The following SPAM1 variants were observed in gnomAD, a reference collection of about 807,000 sequenced individuals.
The protein encoded by SPAM1 is hyaluronidase PH-20.
A neutral mutation model predicts 29.6 loss-of-function variants in SPAM1; 22 were observed. The ratio of observed to expected loss-of-function variants is 0.74; its 90% CI spans 0.53 to 1.06. SPAM1 has a LOEUF of 1.06. Ranked by LOEUF, SPAM1 falls within the 50% of genes least tolerant of loss-of-function variation. SPAM1 has a pLI of 0.00. For missense variants in SPAM1, 534 were observed against 604.0 expected (o/e 0.88, Z 1.21); for synonymous variants, 194 against 204.6 (o/e 0.95, Z 0.44).
chr7:123,968,370 C>T (rs973623349), intron 5 of SPAM1, among the ~76,000 whole-genome samples: 4 of 152,048 alleles, frequency 2.6e-5, no homozygotes, highest in Admixed American at 6.6e-5. Flanking sequence ...TGTCATGACG[C>T]TGGCAGGCGT....
In SPAM1 at chr7:123,954,432, G is replaced by C; in HGVS notation, c.862G>C (p.Val288Leu). 6.2e-7 allele frequency: 1 copy of C among 1,613,380 alleles called. No homozygotes were observed. The highest frequency in any genetic ancestry group is 8.5e-7 in the Non-Finnish European group (1 of 1,179,624). Residue 288 changes from valine (V) to leucine (L), a missense_variant, in exon 3 of 5, where the codon GTT becomes CTT. Val to Leu is a conservative substitution (Grantham distance 32). Transcript: ENST00000682466. ...CAATCGAGTTCGGGAAGCCATCAGA[G>C]TTTCCAAAATACCTGATGCAAAAAG... is the stretch of plus-strand genomic sequence containing the variant. ...VRNRVREAIR[V>L]SKIPDAKSPL...
chr7:123,956,974 A>G (rs1245519963), intron 4 of SPAM1, among the ~76,000 whole-genome samples: 3 of 152,018 alleles, frequency 2.0e-5, no homozygotes, highest in African/African-American at 7.2e-5. Flanking sequence ...ACTACAAAGT[A>G]TGCAGGTTAA....
At chr7:123,963,610 C>T (rs1792387552), downstream of SPAM1, among the ~76,000 whole-genome samples, 1 of 151,894 alleles carries the variant, frequency 6.6e-6, no homozygotes, top group Non-Finnish European at 1.5e-5. Flanking sequence ...TGCTGACTCT[C>T]ATTGCTTTTA....
In SPAM1 at chr7:123,960,035, CTT is replaced by C; in HGVS notation, c.*68_*69del. 3 of 1,511,540 alleles carry C rather than the reference CTT, an allele frequency of 2.0e-6. No individual in the cohort carries two copies. Among genetic ancestry groups the C allele is most frequent in the South Asian group, 2.7e-5 (2 of 74,348 alleles). The allele number at this position is 1,511,540 out of a possible 1,614,324, so 93.6% of individuals were successfully genotyped here. A position where few individuals can be genotyped will look rare whatever the true frequency, so the allele number is the denominator to read the frequency against. ...AGTGTGCTTTTTCGACTAATTAAAT[CTT>C]TGAAAAGAACAGCTCTTGTTGAAAG... is the stretch of plus-strand genomic sequence containing the variant. On this transcript the variant is annotated 3_prime_UTR_variant, in exon 5 of 5. Coordinates refer to ENST00000682466, the MANE Select transcript of SPAM1 (RefSeq NM_153189.3).
At chr7:123,957,843 A>G (rs1792280088) in intron 4 of SPAM1, among the ~76,000 whole-genome samples, 1 of 151,924 alleles carries the variant, frequency 6.6e-6, no homozygotes, top group Non-Finnish European at 1.5e-5. Flanking sequence ...TCCTTAGCTC[A>G]TGGCCCTCTT....
chr7:123,954,067 A>G lies in SPAM1; in HGVS notation c.497A>G (p.Asn166Ser), dbSNP rs914977247. The G allele has an allele frequency of 2.5e-6, 4 of 1,613,548 alleles. No individual in the cohort carries two copies. Among genetic ancestry groups the G allele is most frequent in the Non-Finnish European group, 2.5e-6 (3 of 1,179,754 alleles). Reference sequence around the variant, plus strand: ...TGGAAACCTAAAGATGTTTACAAGAATAGGTCTATTGAATTGGTTCAGCAA... The same window carrying G: ...TGGAAACCTAAAGATGTTTACAAGAGTAGGTCTATTGAATTGGTTCAGCAA... ...RNWKPKDVYK[N>S]RSIELVQQQN... Residue 166 changes from asparagine to serine, a missense_variant, in exon 3 of 5, where the codon AAT (asparagine) becomes AGT (serine). By Grantham distance (46) the Asn-to-Ser change is conservative. Coordinates refer to ENST00000682466, the MANE Select transcript of SPAM1 (RefSeq NM_153189.3).
At chr7:123,933,410 T>C (rs1194183690) in intron 1 of SPAM1, among the ~76,000 whole-genome samples, 1 of 152,114 alleles carries the variant, frequency 6.6e-6, no homozygotes, top group African/African-American at 2.4e-5. Flanking sequence ...TAGACAAAAA[T>C]GAAAACCCAA....
At chr7:123,970,608 A>AATAATAATTATTATT (rs376690940) in intron 6 of SPAM1, among the ~76,000 whole-genome samples, 43 of 147,264 alleles carry the variant, frequency 2.9e-4, no homozygotes, top group Admixed American at 2.4e-3. Context: ...TAATAATAAT[A>AATAATAATTATTATT]ATTATTATTA....
chr7:123,946,522 C>T (rs911447277), intron 1 of SPAM1, among the ~76,000 whole-genome samples: 2 of 152,096 alleles, frequency 1.3e-5, no homozygotes, highest in Non-Finnish European at 2.9e-5. Flanking sequence ...AAGGACGTGC[C>T]TGTGACACAG....
intron 1 of SPAM1, among the ~76,000 whole-genome samples, chr7:123,934,004 A>G (rs1808171513): frequency 6.6e-6 from 1 of 152,182 alleles, no homozygotes; most frequent in Non-Finnish European, 1.5e-5. Context: ...GTTTAGACAC[A>G]TGAATACCTA....
chr7:123,952,450 A>G (rs1003456609), intron 2 of SPAM1, among the ~76,000 whole-genome samples: 2 of 152,272 alleles, frequency 1.3e-5, no homozygotes, highest in African/African-American at 4.8e-5. Context: ...CTAGAATCAC[A>G]GAACATTTAA....
At chr7:123,952,193 T>G (rs1304821501) in intron 2 of SPAM1, among the ~76,000 whole-genome samples, 1 of 152,122 alleles carries the variant, frequency 6.6e-6, no homozygotes, top group African/African-American at 2.4e-5. Context: ...TTAGCTACTT[T>G]ATATGTTCTA....
rs775567256 is a variant in SPAM1, at chr7:123,953,615, T to G, written c.45T>G (p.Val15=). 1 of 1,602,148 alleles carries G rather than the reference T, an allele frequency of 6.2e-7. No individual in the cohort carries two copies. ...AGCACATCTTTTTCAGAAGCTTTGTTAAATCAAGTGGAGTATCCCAGATAG... is the reference window on the plus strand; with the variant it reads ...AGCACATCTTTTTCAGAAGCTTTGTGAAATCAAGTGGAGTATCCCAGATAG... ...KFKHIFFRSF[V]KSSGVSQIVF... Residue 15 remains valine, a synonymous_variant, in exon 3 of 5, where the codon GTT becomes GTG. Transcript: ENST00000682466.
intron 1 of SPAM1, among the ~76,000 whole-genome samples, chr7:123,941,275 C>T (rs980353894): frequency 6.6e-6 from 1 of 152,182 alleles, no homozygotes; most frequent in Non-Finnish European, 1.5e-5. Context: ...GAGGTCCTGA[C>T]AATGTGTTCC....
At chr7:123,963,813 T>G (rs1055236325), downstream of SPAM1, among the ~76,000 whole-genome samples, 1 of 151,960 alleles carries the variant, frequency 6.6e-6, no homozygotes, top group Non-Finnish European at 1.5e-5. Flanking sequence ...TTGGGAAACT[T>G]ACTTAACCTC....
At chr7:123,935,400 C>A (rs1808220819) in intron 1 of SPAM1, among the ~76,000 whole-genome samples, 1 of 152,100 alleles carries the variant, frequency 6.6e-6, no homozygotes, top group African/African-American at 2.4e-5. Context: ...CTTTATTGCC[C>A]ATATTTTACA....
intron 1 of SPAM1, among the ~76,000 whole-genome samples, chr7:123,943,965 C>T (rs1257062266): frequency 6.6e-6 from 1 of 152,068 alleles, no homozygotes; most frequent in Non-Finnish European, 1.5e-5. Flanking sequence ...TTCCATAAGC[C>T]TTTTTATAAC....
chr7:123,926,985 G>T (rs1389981866), intron 1 of SPAM1, among the ~76,000 whole-genome samples: 1 of 152,172 alleles, frequency 6.6e-6, no homozygotes, highest in Non-Finnish European at 1.5e-5. Context: ...ATTCTCTATA[G>T]GATGTGGATT....
At chr7:123,948,635 A>G (rs1808665061) in intron 1 of SPAM1, among the ~76,000 whole-genome samples, 1 of 152,040 alleles carries the variant, frequency 6.6e-6, no homozygotes, top group African/African-American at 2.4e-5. Flanking sequence ...CCCTTTGGTA[A>G]TGTTATGGTT....
Sources: gnomAD v4.1 joint callset for allele counts (sites outside exome capture counted in the v4.1 genomes callset) on GRCh38, gnomAD v4.1.1 for gene constraint, MANE v1.5 for transcripts, NCBI Gene and HGNC (gene_info 2026-07-23, HGNC 2026-07-21) for gene names.